The following B3GALT1 variants were observed in gnomAD, a reference collection of about 807,000 sequenced individuals.
B3GALT1 encodes the protein UDP-Gal:betaGlcNAc beta 1,3-galactosyltransferase, polypeptide 1.
In B3GALT1, 10 loss-of-function variants were observed where a neutral mutation model predicts 23.2. That is an observed-to-expected ratio of 0.43 (90% CI 0.27 to 0.73). B3GALT1 has a LOEUF of 0.73. Ranked by LOEUF, B3GALT1 falls within the 30% of genes least tolerant of loss-of-function variation. B3GALT1 has a pLI of 0.21. For synonymous variants in B3GALT1, 156 were observed against 141.5 expected, an observed-to-expected ratio of 1.10 and a Z score of -0.73; for missense variants, 299 against 405.4, an observed-to-expected ratio of 0.74 and a Z score of 2.25.
intron 4 of B3GALT1, among the ~76,000 whole-genome samples, chr2:167,847,301 C>T (rs781246027): frequency 6.6e-6 from 1 of 152,286 alleles, no homozygotes. Flanking sequence ...TTCAATGGCA[C>T]ATGGAACTTT....
At chr2:167,736,260 A>G (rs1687490231) in intron 3 of B3GALT1, among the ~76,000 whole-genome samples, 2 of 151,898 alleles carry the variant, frequency 1.3e-5, no homozygotes, top group Admixed American at 1.3e-4. Flanking sequence ...GAAAAATGAC[A>G]TGTCTGTAAT....
intron 2 of B3GALT1, among the ~76,000 whole-genome samples, chr2:167,643,526 A>T (rs1015617901): frequency 1.3e-5 from 2 of 152,212 alleles, no homozygotes; most frequent in African/African-American, 4.8e-5. Flanking sequence ...ATCATAGAAG[A>T]CTTGAATTTG....
chr2:167,712,391 G>A (rs968161448), intron 3 of B3GALT1, among the ~76,000 whole-genome samples: 1 of 151,110 alleles, frequency 6.6e-6, no homozygotes, highest in African/African-American at 2.4e-5. Flanking sequence ...AAAATAATGT[G>A]GAATCCAGTG....
At chr2:167,678,905 G>A (rs945163674) in intron 3 of B3GALT1, among the ~76,000 whole-genome samples, 1 of 151,998 alleles carries the variant, frequency 6.6e-6, no homozygotes, top group Non-Finnish European at 1.5e-5. Context: ...TATTCAAGTG[G>A]CTTTTTTCCT....
At chr2:167,376,049 T>C (rs1036075423) in intron 1 of B3GALT1, among the ~76,000 whole-genome samples, 3 of 152,236 alleles carry the variant, frequency 2.0e-5, no homozygotes, top group African/African-American at 7.2e-5. Flanking sequence ...TTGGATTTTA[T>C]TAAAAGCTAT....
chr2:167,700,554 G>C (rs969191026), intron 3 of B3GALT1, among the ~76,000 whole-genome samples: 2 of 152,116 alleles, frequency 1.3e-5, no homozygotes, highest in Admixed American at 6.5e-5. Context: ...TCTCTAAAGT[G>C]TATTAGTATG....
intron 2 of B3GALT1, among the ~76,000 whole-genome samples, chr2:167,540,444 G>A (rs927854026): frequency 6.6e-6 from 1 of 152,152 alleles, no homozygotes; most frequent in African/African-American, 2.4e-5. Context: ...TGTATGAGAG[G>A]CACTGCTCTA....
At chr2:167,510,754 G>C (rs1359493861) in intron 2 of B3GALT1, among the ~76,000 whole-genome samples, 4 of 152,064 alleles carry the variant, frequency 2.6e-5, no homozygotes, top group African/African-American at 9.7e-5. Context: ...AAGTATAGGA[G>C]CTCAATTTTG....
intron 4 of B3GALT1, among the ~76,000 whole-genome samples, chr2:167,868,489 TA>T (rs71397619): frequency 0.092 from 13,029 of 141,754 alleles, 577 homozygotes; most frequent in Middle Eastern, 0.18. Context: ...ATGTCACTGT[TA>T]AAAAAAAAAA....
At chr2:167,410,152 C>A (rs1698368003) in intron 1 of B3GALT1, among the ~76,000 whole-genome samples, 1 of 152,094 alleles carries the variant, frequency 6.6e-6, no homozygotes, top group Non-Finnish European at 1.5e-5. Context: ...TGGAAACCAT[C>A]ATTCTCAGCA....
chr2:167,425,186 A>T (rs531392946), intron 1 of B3GALT1, among the ~76,000 whole-genome samples: 9 of 152,344 alleles, frequency 5.9e-5, no homozygotes, highest in African/African-American at 2.2e-4. Flanking sequence ...TTGGTAGCAG[A>T]CAGAACTCTG....
chr2:167,691,802 T>G (rs527536675), intron 3 of B3GALT1, among the ~76,000 whole-genome samples: 1 of 152,182 alleles, frequency 6.6e-6, no homozygotes, highest in Non-Finnish European at 1.5e-5. Flanking sequence ...GTATAAGCTG[T>G]GTTAGATAAA....
At chr2:167,555,415 C>G (rs910055027) in intron 2 of B3GALT1, among the ~76,000 whole-genome samples, 1 of 152,124 alleles carries the variant, frequency 6.6e-6, no homozygotes, top group African/African-American at 2.4e-5. Flanking sequence ...TCCACTATCC[C>G]GTGTTACTAG....
intron 3 of B3GALT1, among the ~76,000 whole-genome samples, chr2:167,806,732 G>T (rs1014978907): frequency 6.6e-6 from 1 of 152,134 alleles, no homozygotes; most frequent in Non-Finnish European, 1.5e-5. Context: ...TTTTATTGAG[G>T]ATTTTTGCAT....
intron 3 of B3GALT1, among the ~76,000 whole-genome samples, chr2:167,658,177 G>A (rs1024675829): frequency 6.6e-6 from 1 of 152,074 alleles, no homozygotes; most frequent in Non-Finnish European, 1.5e-5. Flanking sequence ...TCCTGCACTT[G>A]TAAGGCTTCC....
At chr2:167,692,972 A>C (rs1291450851) in intron 3 of B3GALT1, among the ~76,000 whole-genome samples, 2 of 152,124 alleles carry the variant, frequency 1.3e-5, no homozygotes, top group East Asian at 3.9e-4. Flanking sequence ...CAAGGAAATG[A>C]AGGAAGACTG....
chr2:167,511,279 T>TG (rs1242545471), intron 2 of B3GALT1, among the ~76,000 whole-genome samples: 1 of 152,234 alleles, frequency 6.6e-6, no homozygotes, highest in Non-Finnish European at 1.5e-5. Flanking sequence ...ATAATCCTCA[T>TG]GGGAGGGACC....
chr2:167,297,114 T>TAAC (rs1696363794), intron 1 of B3GALT1, among the ~76,000 whole-genome samples: 1 of 152,144 alleles, frequency 6.6e-6, no homozygotes, highest in Non-Finnish European at 1.5e-5. Flanking sequence ...AATAACATGA[T>TAAC]ATGATATCTG....
intron 1 of B3GALT1, among the ~76,000 whole-genome samples, chr2:167,321,534 T>C (rs1329930105): frequency 6.6e-6 from 1 of 151,894 alleles, no homozygotes; most frequent in Non-Finnish European, 1.5e-5. Flanking sequence ...GAACAGAGGA[T>C]CTCCCTGAAT....
Sources: gnomAD v4.1 joint callset for allele counts (sites outside exome capture counted in the v4.1 genomes callset) on GRCh38, gnomAD v4.1.1 for gene constraint, MANE v1.5 for transcripts, NCBI Gene and HGNC (gene_info 2026-07-23, HGNC 2026-07-21) for gene names.